SLC26A7: variants seen among roughly 807,000 people sequenced by gnomAD.
SLC26A7 encodes the protein solute carrier family 26 member 7, also known as anion exchange transporter.
In SLC26A7, 59 loss-of-function variants were observed where a neutral mutation model predicts 82.5. The observed-to-expected ratio is 0.72, with a 90% CI of 0.58 to 0.89. The LOEUF is 0.89. SLC26A7 is among the 40% of genes least tolerant of loss of function. SLC26A7 has a pLI of 0.00. For missense variants in SLC26A7, 820 were observed against 793.0 expected (o/e 1.03, Z -0.41); for synonymous variants, 271 against 274.3 (o/e 0.99, Z 0.12).
intron 15 of SLC26A7, among the ~76,000 whole-genome samples, chr8:91,388,263 A>AT (rs1222175492): frequency 2.7e-5 from 4 of 146,272 alleles, no homozygotes; most frequent in East Asian, 2.0e-4. Flanking sequence ...CCCGAGCGGG[A>AT]TTTTTTTTAG....
intron 11 of SLC26A7, among the ~76,000 whole-genome samples, chr8:91,358,364 C>A (rs1230318595): frequency 6.7e-6 from 1 of 149,472 alleles, no homozygotes. Flanking sequence ...AGTCTCACTC[C>A]GTCCCCCAGG....
chr8:91,316,451 ATTTTTTTTTTT>A (rs58981485), intron 4 of SLC26A7, among the ~76,000 whole-genome samples: 49 of 34,422 alleles, frequency 1.4e-3, no homozygotes, highest in African/African-American at 4.7e-3. Flanking sequence ...CTCAACACTA[ATTTTTTTTTTT>A]TTTTTTTTTT....
At chr8:91,351,307 A>G (rs1286514488) in intron 9 of SLC26A7, among the ~76,000 whole-genome samples, 7 of 152,154 alleles carry the variant, frequency 4.6e-5, no homozygotes, top group Admixed American at 1.3e-4. Context: ...ATCCCATATA[A>G]CTACTCCACA....
At chr8:91,358,575 C>T (rs751014407) in intron 11 of SLC26A7, among the ~76,000 whole-genome samples, 1 of 151,986 alleles carries the variant, frequency 6.6e-6, no homozygotes, top group Non-Finnish European at 1.5e-5. Context: ...CATGATCCAC[C>T]CATCTTGGCC....
intron 10 of SLC26A7, 113 bp from the exon 11 acceptor site, chr8:91,352,788 T>A (rs989846644): frequency 1.4e-6 from 1 of 726,520 alleles, no homozygotes; most frequent in Non-Finnish European, 2.2e-6. Flanking sequence ...AATCGGTGAT[T>A]GCTTTTCTCT....
chr8:91,288,992 G>T (rs567301046), intron 2 of SLC26A7, 144 bp from the exon 3 acceptor site: 311 of 548,800 alleles, frequency 5.7e-4, no homozygotes, highest in Non-Finnish European at 8.2e-4. Context: ...TTTTATTTAG[G>T]GCAATAATGC....
intron 1 of SLC26A7, among the ~76,000 whole-genome samples, chr8:91,216,134 A>G (rs528749312): frequency 1.3e-5 from 2 of 152,188 alleles, no homozygotes; most frequent in African/African-American, 2.4e-5. Context: ...ATCACCTTCA[A>G]AGTTTCATGT....
At chr8:91,287,374 A>C (rs1190049059) in intron 2 of SLC26A7, among the ~76,000 whole-genome samples, 1 of 152,216 alleles carries the variant, frequency 6.6e-6, no homozygotes, top group Non-Finnish European at 1.5e-5. Flanking sequence ...AGCAGGAGGT[A>C]GCTATTCACG....
chr8:91,328,692 A>G (rs1333598933), intron 5 of SLC26A7, among the ~76,000 whole-genome samples: 1 of 152,126 alleles, frequency 6.6e-6, no homozygotes, highest in Admixed American at 6.6e-5. Flanking sequence ...TCTATCAGTG[A>G]AAATAAAAGC....
At chr8:91,232,351 ATC>A (rs1810320786) in intron 2 of SLC26A7, among the ~76,000 whole-genome samples, 1 of 152,046 alleles carries the variant, frequency 6.6e-6, no homozygotes, top group East Asian at 1.9e-4. Context: ...AACTCAGAGA[ATC>A]TGTGATGAAA....
chr8:91,289,588 T>G (rs1031230290), intron 3 of SLC26A7, among the ~76,000 whole-genome samples: 1 of 151,172 alleles, frequency 6.6e-6, no homozygotes, highest in African/African-American at 2.4e-5. Flanking sequence ...GAGGTTGCAG[T>G]GAGCTGAAAT....
chr8:91,214,311 C>T (rs1809997404), intron 1 of SLC26A7, among the ~76,000 whole-genome samples: 1 of 152,124 alleles, frequency 6.6e-6, no homozygotes, highest in Admixed American at 6.5e-5. Flanking sequence ...TGTTGAGTTT[C>T]AAGTGATGCC....
intron 15 of SLC26A7, among the ~76,000 whole-genome samples, chr8:91,386,959 T>G (rs1814817876): frequency 6.6e-6 from 1 of 152,128 alleles, no homozygotes; most frequent in Non-Finnish European, 1.5e-5. Context: ...ATGATTAGTC[T>G]TACTAATTTT....
upstream of SLC26A7, among the ~76,000 whole-genome samples, chr8:91,248,387 G>T (rs188975868): frequency 6.6e-6 from 1 of 152,172 alleles, no homozygotes; most frequent in Admixed American, 6.5e-5. Context: ...CAAGTACTTT[G>T]TTATTATAAA....
intron 5 of SLC26A7, among the ~76,000 whole-genome samples, chr8:91,321,165 G>A (rs1219277376): frequency 2.0e-5 from 3 of 152,322 alleles, no homozygotes; most frequent in East Asian, 3.9e-4. Flanking sequence ...AGTTGGATGA[G>A]TATGAACAGC....
At chr8:91,239,225 C>A (rs1317624433) in intron 2 of SLC26A7, among the ~76,000 whole-genome samples, 3 of 151,622 alleles carry the variant, frequency 2.0e-5, no homozygotes, top group Non-Finnish European at 4.4e-5. Flanking sequence ...AAAAAATTAG[C>A]CGGGCATGGT....
intron 2 of SLC26A7, among the ~76,000 whole-genome samples, chr8:91,222,671 A>G (rs2130665001): frequency 6.6e-6 from 1 of 152,162 alleles, no homozygotes; most frequent in East Asian, 1.9e-4. Context: ...TTGATTTGTT[A>G]TGTTGAACCA....
chr8:91,355,788 A>G (rs1813847475), intron 11 of SLC26A7, among the ~76,000 whole-genome samples: 1 of 152,048 alleles, frequency 6.6e-6, no homozygotes, highest in African/African-American at 2.4e-5. Context: ...CAGGTTTATT[A>G]CATATGTATA....
chr8:91,308,211 G>A (rs917484943), intron 4 of SLC26A7, among the ~76,000 whole-genome samples: 1 of 151,632 alleles, frequency 6.6e-6, no homozygotes, highest in African/African-American at 2.4e-5. Flanking sequence ...TTTTTACCAT[G>A]ATTAGATTGG....
Sources: allele counts gnomAD v4.1 joint callset (sites outside exome capture counted in the v4.1 genomes callset), GRCh38; gene constraint gnomAD v4.1.1; transcripts MANE v1.5; gene names NCBI Gene and HGNC (gene_info 2026-07-23, HGNC 2026-07-21).